Variants in GLIS1 observed in about 807,000 individuals in gnomAD.
GLIS1 encodes zinc finger protein GLIS1.
In GLIS1, 24 loss-of-function variants were observed where a neutral mutation model predicts 63.8. That is an observed-to-expected ratio of 0.38 (90% CI 0.27 to 0.53). The LOEUF is 0.53. Ranked by LOEUF, GLIS1 falls within the 20% of genes least tolerant of loss-of-function variation. The pLI, the probability that GLIS1 is intolerant of heterozygous loss-of-function variation, is 0.85. For missense variants in GLIS1, 1,036 were observed against 1,074.1 expected (o/e 0.96, Z 0.50); for synonymous variants, 450 against 482.5 (o/e 0.93, Z 0.88).
intron 2 of GLIS1, chr1:53,688,601 C>G (rs769022944): frequency 6.6e-6 from 1 of 152,504 alleles, no homozygotes; most frequent in Non-Finnish European, 1.5e-5. Context: ...CCTGGTCTCA[C>G]GCTGATGGGT....
chr1:53,673,938 G>A (rs867579858), intron 2 of GLIS1, among the ~76,000 whole-genome samples: 39 of 152,146 alleles, frequency 2.6e-4, no homozygotes, highest in Non-Finnish European at 1.2e-4. Flanking sequence ...TTGGGAGGCC[G>A]AGGTGGTCGG....
intron 4 of GLIS1, among the ~76,000 whole-genome samples, chr1:53,540,576 T>C (rs1055037695): frequency 6.6e-6 from 1 of 152,158 alleles, no homozygotes; most frequent in Admixed American, 6.5e-5. Context: ...TAGTCCCCTT[T>C]TGGGATCCTC....
intron 2 of GLIS1, among the ~76,000 whole-genome samples, chr1:53,693,058 G>T (rs1041186162): frequency 1.3e-5 from 2 of 152,214 alleles, no homozygotes; most frequent in Admixed American, 1.3e-4. Flanking sequence ...CAGTGTGAGG[G>T]TGCTTCGTCG....
Position 53,506,663 on chromosome 1 carries a change from C to T in GLIS1, c.2344G>A (p.Asp782Asn), listed in dbSNP as rs757431130. The T allele has an allele frequency of 2.5e-6, 4 of 1,601,546 alleles. No individual in the cohort carries two copies. The highest frequency in any genetic ancestry group is 1.1e-5 in the South Asian group (1 of 90,206). ...GAGGGGATGTGGCCCAGGCAGTGGT[C>T]AAAGGCTCCATTGGGGAAGAAGCCA... ...DCGFFPNGAF[D>N]HCLGHIPSIY... Residue 782 changes from aspartate (D) to asparagine (N), a missense_variant, in exon 11 of 11, where the codon GAC becomes AAC. By Grantham distance (23) the Asp-to-Asn change is conservative. Around this residue, in one of 3 missense-constraint regions of GLIS1, gnomAD observed 400 missense variants for 400.9 expected, o/e 1.00. Transcript: ENST00000628545.
intron 4 of GLIS1, among the ~76,000 whole-genome samples, chr1:53,569,146 G>A (rs915692012): frequency 1.3e-5 from 2 of 152,138 alleles, no homozygotes; most frequent in African/African-American, 4.8e-5. Flanking sequence ...GTTGCCAAGG[G>A]AAGGAGGGAT....
chr1:53,580,311 G>A (rs1294502622), intron 4 of GLIS1, among the ~76,000 whole-genome samples: 2 of 152,154 alleles, frequency 1.3e-5, no homozygotes, highest in East Asian at 3.9e-4. Context: ...GAGCCCTACA[G>A]GCCTCCCTAC....
At chr1:53,678,362 T>C (rs1290345841) in intron 2 of GLIS1, among the ~76,000 whole-genome samples, 1 of 122,842 alleles carries the variant, frequency 8.1e-6, no homozygotes, top group African/African-American at 3.1e-5. Flanking sequence ...GGGAGCGGGG[T>C]CACTGCCTCA....
At chr1:53,695,661 C>T (rs540676830) in intron 2 of GLIS1, among the ~76,000 whole-genome samples, 3 of 152,208 alleles carry the variant, frequency 2.0e-5, no homozygotes, top group African/African-American at 4.8e-5. Context: ...AGGAGGGGCG[C>T]GGGGTGGTAG....
At chr1:53,628,431 G>A (rs2950266) in intron 2 of GLIS1, among the ~76,000 whole-genome samples, 1 of 151,888 alleles carries the variant, frequency 6.6e-6, no homozygotes, top group African/African-American at 2.4e-5. Context: ...GACTGTACTG[G>A]CTCACTCGAC....
chr1:53,551,127 G>A (rs1304297241), intron 4 of GLIS1, among the ~76,000 whole-genome samples: 6 of 152,236 alleles, frequency 3.9e-5, no homozygotes, highest in East Asian at 1.9e-4. Flanking sequence ...GATTACAGGC[G>A]TGAGCCACTG....
intron 4 of GLIS1, among the ~76,000 whole-genome samples, chr1:53,576,594 T>C (rs1645034100): frequency 6.6e-6 from 1 of 152,158 alleles, no homozygotes; most frequent in Admixed American, 6.5e-5. Flanking sequence ...TGCCTCTCCC[T>C]GTCCTTCTGG....
intron 2 of GLIS1, among the ~76,000 whole-genome samples, chr1:53,605,237 TGGG>T (rs1301018822): frequency 6.6e-6 from 1 of 152,174 alleles, no homozygotes; most frequent in Non-Finnish European, 1.5e-5. Flanking sequence ...AGCCTGGCTC[TGGG>T]GCCACTACAA....
chr1:53,556,904 A>G (rs1419724370), intron 4 of GLIS1, among the ~76,000 whole-genome samples: 1 of 129,376 alleles, frequency 7.7e-6, no homozygotes, highest in Non-Finnish European at 1.6e-5. Context: ...GGTGTACTGC[A>G]GGTATGTGTG....
chr1:53,717,605 C>A (rs1005868347), intron 2 of GLIS1, among the ~76,000 whole-genome samples: 1 of 152,196 alleles, frequency 6.6e-6, no homozygotes, highest in Non-Finnish European at 1.5e-5. Flanking sequence ...AATGTCAGAT[C>A]CTGCAGATCC....
At chr1:53,717,213 A>C (rs4927030) in intron 2 of GLIS1, among the ~76,000 whole-genome samples, 64,444 of 151,984 alleles carry the variant, frequency 0.42, 14,493 homozygotes, top group African/African-American at 0.57. Flanking sequence ...TCTCAGTTTC[A>C]TCATCAATAA....
chr1:53,594,017 G>A (rs923103995), intron 4 of GLIS1, 91 bp downstream of exon 4: 46 of 1,406,384 alleles, frequency 3.3e-5, no homozygotes, highest in African/African-American at 2.9e-4. Flanking sequence ...CCCAGAGGAC[G>A]GAGTCCCAGG....
At chr1:53,636,407 T>C (rs2100270935) in intron 2 of GLIS1, among the ~76,000 whole-genome samples, 1 of 152,206 alleles carries the variant, frequency 6.6e-6, no homozygotes, top group East Asian at 1.9e-4. Flanking sequence ...CCACTCATGA[T>C]TTTAAAATAA....
At chr1:53,690,282 G>C (rs993144599) in intron 2 of GLIS1, among the ~76,000 whole-genome samples, 4 of 152,248 alleles carry the variant, frequency 2.6e-5, no homozygotes, top group Admixed American at 6.5e-5. Context: ...ATGGCTCACT[G>C]CCCCAGGCTC....
Position 53,600,141 on chromosome 1 carries a change from G to A in GLIS1, c.397C>T (p.Gln133Ter). Reference sequence around the variant, plus strand: ...AAATGCAGCAGCCTCTCACAAGCTTGGGGGTGAGCCCGGGGCGGTGGGCTT... The same window carrying A: ...AAATGCAGCAGCCTCTCACAAGCTTAGGGGTGAGCCCGGGGCGGTGGGCTT... Reference protein sequence around the residue: ...AGSPPPRAHPQACERLLHFPH... With the variant: ...AGSPPPRAHP Residue 133 changes from glutamine (Q) to a stop codon, truncating the protein, a stop_gained, in exon 3 of 11, where the codon CAA becomes TAA. Coordinates refer to ENST00000628545, the MANE Select transcript of GLIS1 (RefSeq NM_001367484.1). LOFTEE classifies it high-confidence loss of function. 1 of 1,231,364 alleles carries A rather than the reference G, an allele frequency of 8.1e-7. No individual in the cohort carries two copies. The highest frequency in any genetic ancestry group is 1.0e-6 in the Non-Finnish European group (1 of 987,190). 76.3% of individuals were successfully genotyped at this position (1,231,364 alleles called of 1,614,324 possible).
Sources: allele counts gnomAD v4.1 joint callset (sites outside exome capture counted in the v4.1 genomes callset), GRCh38; gene constraint gnomAD v4.1.1; regional missense constraint gnomAD v4.1.1; transcripts MANE v1.5; gene names NCBI Gene and HGNC (gene_info 2026-07-23, HGNC 2026-07-21).